CSGALNACT1: variants seen among roughly 807,000 people sequenced by gnomAD.
The protein encoded by CSGALNACT1 is beta4GalNAcT-1.
In CSGALNACT1, 52 loss-of-function variants were observed where a neutral mutation model predicts 51.0. That is an observed-to-expected ratio of 1.02 (90% confidence interval 0.82 to 1.29). The LOEUF (loss-of-function observed/expected upper bound fraction) is 1.29. Ranked by LOEUF, CSGALNACT1 falls within the 50% of genes most tolerant of loss-of-function variation. The probability of loss-of-function intolerance (pLI) is 0.00; values close to 1 mark genes in which losing one functional copy is unlikely to be tolerated. For missense variants in CSGALNACT1, 935 were observed against 679.2 expected (o/e 1.38, Z -4.19); for synonymous variants, 341 against 254.4 (o/e 1.34, Z -3.24).
chr8:19,405,494 T>G (rs1027475344), exon 10 of CSGALNACT1: 6 of 583,970 alleles, frequency 1.0e-5, no homozygotes, highest in South Asian at 9.1e-5. Flanking sequence ...CTCAGTGTGT[T>G]GTAAACACCA....
At position 19,714,393 on chromosome 8, in the gene CSGALNACT1, A is replaced by C. The variant is rs1263539532; in HGVS notation, c.-297+43457T>G. On this transcript the variant is annotated intron_variant, in intron 1 of 1. Coordinates refer to the CSGALNACT1 transcript ENST00000517494. ...ACCCCCTGAGCCTCTCGGATCTGTA[A>C]TTTGGTGTCTGTCATTACTTTGGGA... Among the ~76,000 whole-genome samples the C allele has an allele frequency of 2.0e-5, 3 of 151,988 alleles. No homozygotes were observed. The East Asian group carries it at 5.8e-4, about 29-fold the overall frequency.
chr8:19,484,169 C>T (rs568827261), intron 4 of CSGALNACT1, among the ~76,000 whole-genome samples: 2 of 152,150 alleles, frequency 1.3e-5, no homozygotes, highest in African/African-American at 2.4e-5. Flanking sequence ...TTAATAATGG[C>T]CCCTAAGCAC....
intron 4 of CSGALNACT1, among the ~76,000 whole-genome samples, chr8:19,463,556 T>C (rs1427625964): frequency 6.6e-6 from 1 of 152,072 alleles, no homozygotes; most frequent in African/African-American, 2.4e-5. Context: ...CAGGAATGGT[T>C]TTTCAGCCAG....
chr8:19,532,518 C>T (rs552415076), intron 3 of CSGALNACT1, among the ~76,000 whole-genome samples: 21 of 152,326 alleles, frequency 1.4e-4, no homozygotes, highest in African/African-American at 4.6e-4. Flanking sequence ...CTTCCCACTC[C>T]AAATCCTCAC....
intron 1 of CSGALNACT1, among the ~76,000 whole-genome samples, chr8:19,633,984 A>G (rs991267258): frequency 6.6e-6 from 1 of 152,112 alleles, no homozygotes; most frequent in Non-Finnish European, 1.5e-5. Context: ...CTTTCACTTA[A>G]CAGTAACACA....
At chr8:19,454,323 C>G (rs1456704263) in intron 5 of CSGALNACT1, among the ~76,000 whole-genome samples, 4 of 152,158 alleles carry the variant, frequency 2.6e-5, no homozygotes, top group Admixed American at 6.5e-5. Flanking sequence ...TCCAGAACTG[C>G]AGAAACTGTA....
chr8:19,468,420 T>C (rs2153837299), intron 4 of CSGALNACT1, among the ~76,000 whole-genome samples: 1 of 152,126 alleles, frequency 6.6e-6, no homozygotes, highest in Non-Finnish European at 1.5e-5. Context: ...ATCCCCTAAG[T>C]CACCTTCACA....
At chr8:19,503,807 A>G (rs1289950426) in intron 4 of CSGALNACT1, among the ~76,000 whole-genome samples, 1 of 151,724 alleles carries the variant, frequency 6.6e-6, no homozygotes, top group Non-Finnish European at 1.5e-5. Flanking sequence ...ATCTCACACC[A>G]AAGATGATCT....
chr8:19,577,371 C>A (rs966543362), intron 3 of CSGALNACT1, among the ~76,000 whole-genome samples: 3 of 147,528 alleles, frequency 2.0e-5, no homozygotes, highest in Non-Finnish European at 2.9e-5. Flanking sequence ...GAGAGCAGCA[C>A]CTAGACAACG....
At chr8:19,632,822 C>CA (rs1319108950) in intron 1 of CSGALNACT1, among the ~76,000 whole-genome samples, 1 of 152,106 alleles carries the variant, frequency 6.6e-6, no homozygotes. Context: ...GTGGAACGGT[C>CA]ACAGCTCACT....
At chr8:19,738,801 T>C (rs1290081496) in intron 1 of CSGALNACT1, among the ~76,000 whole-genome samples, 1 of 152,184 alleles carries the variant, frequency 6.6e-6, no homozygotes, top group Non-Finnish European at 1.5e-5. Context: ...AAACTATGAA[T>C]TATTTTTGTC....
chr8:19,688,196 C>G (rs540887836), intron 1 of CSGALNACT1, among the ~76,000 whole-genome samples: 10 of 152,252 alleles, frequency 6.6e-5, no homozygotes, highest in Admixed American at 5.2e-4. Flanking sequence ...CCTGTGTCTT[C>G]CCATGGGCTG....
At chr8:19,666,677 G>A (rs941190376) in intron 1 of CSGALNACT1, among the ~76,000 whole-genome samples, 3 of 149,026 alleles carry the variant, frequency 2.0e-5, no homozygotes, top group Non-Finnish European at 3.0e-5. Flanking sequence ...CAGCCTAATT[G>A]ACAAACCAAG....
intron 1 of CSGALNACT1, among the ~76,000 whole-genome samples, chr8:19,645,043 C>T (rs2057132181): frequency 1.3e-5 from 2 of 152,138 alleles, no homozygotes; most frequent in Non-Finnish European, 2.9e-5. Context: ...GTCTTTTAAT[C>T]ATCAAAGTTC....
chr8:19,575,133 T>C (rs1036382925), intron 3 of CSGALNACT1, among the ~76,000 whole-genome samples: 1 of 152,218 alleles, frequency 6.6e-6, no homozygotes, highest in South Asian at 2.1e-4. Context: ...CACACAGTTA[T>C]TGAATTTGGA....
chr8:19,513,419 T>TCTCC (rs1554650071), intron 3 of CSGALNACT1, among the ~76,000 whole-genome samples: 4 of 51,712 alleles, frequency 7.7e-5, no homozygotes, highest in African/African-American at 3.9e-4. Context: ...TCTCTCACTC[T>TCTCC]CTCTCTCTCT....
rs1356871588 is a variant in CSGALNACT1 at position 19,505,757 on chromosome 8, GAT to G, written c.76_77del (p.Ile26LeufsTer13). 1.9e-6 allele frequency: 3 copies of G among 1,614,020 alleles called. No individual in the cohort carries two copies. The highest frequency in any genetic ancestry group is 2.7e-5 in the African/African-American group (2 of 74,928). On this transcript the variant is annotated frameshift_variant, in exon 4 of 10. Transcript: ENST00000454498. LOFTEE classifies it high-confidence loss of function. ...TGCAGGCCAACATGTACAGGACAGAGATAGCACAGCAGAGGAGCACCAGCAAA... is the reference window on the plus strand; with the variant it reads ...TGCAGGCCAACATGTACAGGACAGAGAGCACAGCAGAGGAGCACCAGCAAA...
intron 3 of CSGALNACT1, among the ~76,000 whole-genome samples, chr8:19,554,661 A>T (rs1300109357): frequency 1.3e-5 from 2 of 152,054 alleles, no homozygotes; most frequent in African/African-American, 2.4e-5. Context: ...CTCATGCCTA[A>T]AATTCCAGCA....
intron 3 of CSGALNACT1, among the ~76,000 whole-genome samples, chr8:19,544,673 C>A (rs1047173437): frequency 2.0e-5 from 3 of 152,080 alleles, no homozygotes; most frequent in African/African-American, 7.2e-5. Flanking sequence ...GGAACAGGGC[C>A]CCATACCTAT....
Sources: gnomAD v4.1 joint callset for allele counts (sites outside exome capture counted in the v4.1 genomes callset) on GRCh38, gnomAD v4.1.1 for gene constraint, MANE v1.5 for transcripts, NCBI Gene and HGNC (gene_info 2026-07-23, HGNC 2026-07-21) for gene names.